DENND5B: variants seen among roughly 807,000 people sequenced by gnomAD.
DENND5B encodes the protein DENN domain containing 5B, also known as DENN domain-containing protein 5B.
DENND5B carries 34 observed loss-of-function variants against 140.6 expected under a neutral mutation model. The ratio of observed to expected loss-of-function variants is 0.24; its 90% CI spans 0.18 to 0.32. The LOEUF is 0.32. Ranked by LOEUF, DENND5B falls within the 10% of genes least tolerant of loss-of-function variation. The probability of loss-of-function intolerance (pLI) is 1.00; values close to 1 mark genes in which losing one functional copy is unlikely to be tolerated. For missense variants in DENND5B, 1,142 were observed against 1,560.2 expected (o/e 0.73, Z 4.52); for synonymous variants, 551 against 562.1 (o/e 0.98, Z 0.28).
intron 20 of DENND5B, among the ~76,000 whole-genome samples, chr12:31,389,074 G>A (rs954298633): frequency 6.6e-6 from 1 of 152,034 alleles, no homozygotes; most frequent in African/African-American, 2.4e-5. Flanking sequence ...TGAAAAAATC[G>A]GTTGCTACCT....
At chr12:31,484,082 G>A (rs2138598565) in intron 2 of DENND5B, among the ~76,000 whole-genome samples, 1 of 152,054 alleles carries the variant, frequency 6.6e-6, no homozygotes, top group East Asian at 1.9e-4. Context: ...TCAAACTCCT[G>A]ACCTCAAGTG....
chr12:31,469,309 G>C (rs1410543804), intron 3 of DENND5B, among the ~76,000 whole-genome samples: 3 of 144,188 alleles, frequency 2.1e-5, no homozygotes, highest in Non-Finnish European at 4.5e-5. Context: ...CTCCAGCCTG[G>C]GTGACAGAGA....
chr12:31,582,559 AC>A (rs1565718459), intron 1 of DENND5B, among the ~76,000 whole-genome samples: 1 of 152,220 alleles, frequency 6.6e-6, no homozygotes, highest in East Asian at 1.9e-4. Context: ...ATACAGTAAC[AC>A]CTTATCTTTA....
intron 1 of DENND5B, among the ~76,000 whole-genome samples, chr12:31,529,016 G>T (rs1393405441): frequency 6.6e-6 from 1 of 151,818 alleles, no homozygotes; most frequent in Non-Finnish European, 1.5e-5. Context: ...ACAAAAATTA[G>T]CTGGGTCTGG....
chr12:31,479,126 T>C (rs572120409), intron 3 of DENND5B, among the ~76,000 whole-genome samples: 9 of 152,338 alleles, frequency 5.9e-5, no homozygotes, highest in South Asian at 2.1e-4. Context: ...CCAAAGTTGA[T>C]TGCCTCAGGA....
rs541533153 is a variant in DENND5B, at chr12:31,455,761, C to T, written c.1093-3285G>A. On this transcript the variant is annotated intron_variant, in intron 4 of 20. Coordinates refer to ENST00000389082, the MANE Select transcript of DENND5B (RefSeq NM_144973.4). ...AGTGGGCTGGGCATGGTGGCTCATG[C>T]CTGTAATCCCAGCACTTTGGGAGGC... Among the ~76,000 whole-genome samples, 177 of 152,320 alleles carry T rather than the reference C, an allele frequency of 1.2e-3. 2 individuals carry two copies. Among genetic ancestry groups the T allele is most frequent in the African/African-American group, 4.2e-3 (175 of 41,570 alleles).
At chr12:31,541,068 T>C (rs2139166685) in intron 1 of DENND5B, 1 of 441,858 alleles carries the variant, frequency 2.3e-6, no homozygotes, top group Non-Finnish European at 4.5e-6. Flanking sequence ...GAAAATGGGT[T>C]AAAAACTTAA....
intron 7 of DENND5B, among the ~76,000 whole-genome samples, chr12:31,437,286 G>A (rs1007858988): frequency 1.3e-5 from 2 of 151,998 alleles, no homozygotes; most frequent in East Asian, 3.9e-4. Flanking sequence ...GGGACTACAG[G>A]CACCCGCCAG....
intron 14 of DENND5B, among the ~76,000 whole-genome samples, chr12:31,403,199 C>T (rs1941901982): frequency 6.6e-6 from 1 of 152,100 alleles, no homozygotes; most frequent in African/African-American, 2.4e-5. Context: ...ATGGAACCTC[C>T]ACTCTGGACA....
At chr12:31,508,092 T>C (rs1462643907) in intron 1 of DENND5B, among the ~76,000 whole-genome samples, 1 of 152,156 alleles carries the variant, frequency 6.6e-6, no homozygotes, top group East Asian at 1.9e-4. Context: ...AGCCACGCTT[T>C]GCCTTCCAGA....
intron 1 of DENND5B, among the ~76,000 whole-genome samples, chr12:31,549,696 C>T (rs1397278141): frequency 6.6e-6 from 1 of 152,114 alleles, no homozygotes; most frequent in Non-Finnish European, 1.5e-5. Flanking sequence ...ATGCTCTCTT[C>T]CCCCATCCCA....
At chr12:31,583,407 T>C (rs1592096732) in intron 1 of DENND5B, among the ~76,000 whole-genome samples, 1 of 151,128 alleles carries the variant, frequency 6.6e-6, no homozygotes, top group Admixed American at 6.6e-5. Context: ...TTGGGTGGGG[T>C]GGCTCACAAC....
intron 1 of DENND5B, among the ~76,000 whole-genome samples, chr12:31,557,100 T>C (rs979147755): frequency 6.6e-6 from 1 of 152,164 alleles, no homozygotes; most frequent in Non-Finnish European, 1.5e-5. Context: ...CCACAATATA[T>C]CATTGGGTTT....
chr12:31,487,648 G>A (rs1946362920), intron 2 of DENND5B, among the ~76,000 whole-genome samples: 1 of 152,152 alleles, frequency 6.6e-6, no homozygotes, highest in Non-Finnish European at 1.5e-5. Flanking sequence ...GTTGCAGTGA[G>A]CCAAGACTGC....
rs1348713960 is a variant in DENND5B at position 31,452,246 on chromosome 12, G to A, written c.1323C>T (p.Asn441=). Reference sequence around the variant, plus strand: ...CCTTCAGTAACTCATACATGCTGATGTTATTAGTACAGACATTGCCGTTCT... The same window carrying A: ...CCTTCAGTAACTCATACATGCTGATATTATTAGTACAGACATTGCCGTTCT... The part of the protein sequence containing the change: ...DKKNGNVCTN[N]ISMYELLKGN... Residue 441 remains asparagine, a synonymous_variant, in exon 5 of 21, where the codon AAC becomes AAT. Transcript: ENST00000389082. 1 of 1,613,972 alleles carries A rather than the reference G, an allele frequency of 6.2e-7. No homozygotes were observed. The highest frequency in any genetic ancestry group is 2.2e-5 in the East Asian group (1 of 44,890).
At chr12:31,511,701 T>G (rs188604420) in intron 1 of DENND5B, among the ~76,000 whole-genome samples, 1 of 152,148 alleles carries the variant, frequency 6.6e-6, no homozygotes, top group Admixed American at 6.5e-5. Flanking sequence ...CACCCTTACA[T>G]CCTCAACACC....
rs1322242158 is a variant in DENND5B, at chr12:31,388,283, C to T, written c.3642-497G>A. 2.3e-5 allele frequency among the ~76,000 whole-genome samples: 3 copies of T among 129,820 alleles called. No homozygotes were observed. The East Asian group carries it at 7.3e-4, about 32-fold the overall frequency. The allele number at this position is 129,820 out of a possible 152,430, so 85.2% of individuals were successfully genotyped here. On this transcript the variant is annotated intron_variant, in intron 20 of 20. Coordinates refer to ENST00000389082, the MANE Select transcript of DENND5B (RefSeq NM_144973.4). ...AACATAACAGGGTGAGGAACAAAAT[C>T]AAAGCAGAAAAACATTAAGTAGATT...
chr12:31,425,014 A>G (rs1314688128), intron 9 of DENND5B, among the ~76,000 whole-genome samples: 1 of 152,198 alleles, frequency 6.6e-6, no homozygotes, highest in Non-Finnish European at 1.5e-5. Flanking sequence ...CAGCAGACTT[A>G]GAAAATGTAC....
At chr12:31,568,947 G>A (rs1270573843) in intron 1 of DENND5B, among the ~76,000 whole-genome samples, 5 of 151,680 alleles carry the variant, frequency 3.3e-5, no homozygotes, top group Non-Finnish European at 7.4e-5. Context: ...ACAAGGGTCT[G>A]GTATGTTGCT....
Sources: gnomAD v4.1 joint callset for allele counts (sites outside exome capture counted in the v4.1 genomes callset) on GRCh38, gnomAD v4.1.1 for gene constraint, MANE v1.5 for transcripts, NCBI Gene and HGNC (gene_info 2026-07-23, HGNC 2026-07-21) for gene names.